Variants in AUTS2 observed in about 807,000 individuals in gnomAD.
AUTS2 encodes the protein autism susceptibility gene 2 protein.
In AUTS2, 17 loss-of-function variants were observed where a neutral mutation model predicts 112.4. The observed-to-expected ratio is 0.15, with a 90% CI of 0.10 to 0.23. The LOEUF is 0.23. AUTS2 is among the 10% of genes least tolerant of loss of function. The pLI, the probability that AUTS2 is intolerant of heterozygous loss-of-function variation, is 1.00. For synonymous variants in AUTS2, 751 were observed against 702.7 expected, an observed-to-expected ratio of 1.07 and a Z score of -1.09; for missense variants, 1,510 against 1,701.6, an observed-to-expected ratio of 0.89 and a Z score of 1.98.
intron 5 of AUTS2, among the ~76,000 whole-genome samples, chr7:70,668,352 A>G (rs1402085142): frequency 5.3e-5 from 8 of 152,222 alleles, no homozygotes; most frequent in Non-Finnish European, 7.3e-5. Context: ...TTGAGTGGCA[A>G]CGTTGCACAG....
intron 4 of AUTS2, chr7:70,317,098 C>T (rs776022155): frequency 3.9e-5 from 6 of 152,150 alleles, no homozygotes; most frequent in Non-Finnish European, 7.3e-5. Context: ...TGAAAACTCA[C>T]CAGGTCACAC....
intron 5 of AUTS2, among the ~76,000 whole-genome samples, chr7:70,538,402 G>T (rs1451479610): frequency 6.6e-6 from 1 of 151,938 alleles, no homozygotes; most frequent in Non-Finnish European, 1.5e-5. Flanking sequence ...GTGGCAGGCG[G>T]CTGTCTGCCA....
At chr7:69,792,238 T>G (rs527700922) in intron 1 of AUTS2, among the ~76,000 whole-genome samples, 3 of 151,346 alleles carry the variant, frequency 2.0e-5, no homozygotes, top group South Asian at 2.1e-4. Flanking sequence ...TGTTGTTTTT[T>G]TTTTGTTTTG....
At chr7:69,648,957 G>C (rs1026060334) in intron 1 of AUTS2, among the ~76,000 whole-genome samples, 2 of 152,102 alleles carry the variant, frequency 1.3e-5, no homozygotes, top group Non-Finnish European at 2.9e-5. Flanking sequence ...TATTTAAGTT[G>C]GATGGCTGGG....
chr7:70,323,655 C>G (rs1790356919), intron 4 of AUTS2, among the ~76,000 whole-genome samples: 1 of 152,206 alleles, frequency 6.6e-6, no homozygotes, highest in South Asian at 2.1e-4. Flanking sequence ...GATCTCGCAA[C>G]TCACATATCT....
intron 1 of AUTS2, among the ~76,000 whole-genome samples, chr7:69,636,804 C>T (rs1050595184): frequency 2.6e-5 from 4 of 151,758 alleles, no homozygotes; most frequent in Non-Finnish European, 2.9e-5. Context: ...CTCGTTCTGT[C>T]GCCCAGGCTG....
At chr7:70,163,766 G>C (rs1048333074) in intron 4 of AUTS2, among the ~76,000 whole-genome samples, 4 of 152,190 alleles carry the variant, frequency 2.6e-5, no homozygotes, top group Non-Finnish European at 5.9e-5. Flanking sequence ...ATGTGGGGAA[G>C]AAAACTGATT....
chr7:70,105,685 T>A (rs1465583178), intron 2 of AUTS2, among the ~76,000 whole-genome samples: 1 of 152,172 alleles, frequency 6.6e-6, no homozygotes, highest in Non-Finnish European at 1.5e-5. Context: ...AATAAACTCT[T>A]CATTTACTGG....
chr7:69,862,949 C>T (rs1241503749), intron 1 of AUTS2, among the ~76,000 whole-genome samples: 1 of 152,150 alleles, frequency 6.6e-6, no homozygotes, highest in Non-Finnish European at 1.5e-5. Context: ...AAAAATGCCT[C>T]CTGAGCCAGG....
At chr7:70,304,596 G>A (rs747197403) in intron 4 of AUTS2, among the ~76,000 whole-genome samples, 9 of 152,096 alleles carry the variant, frequency 5.9e-5, no homozygotes, top group Admixed American at 1.3e-4. Flanking sequence ...TACATCTTGC[G>A]GAGAAACACA....
At chr7:70,103,909 CAAAA>C (rs879409153) in intron 2 of AUTS2, among the ~76,000 whole-genome samples, 2 of 116,492 alleles carry the variant, frequency 1.7e-5, no homozygotes, top group Admixed American at 1.8e-4. Context: ...GACTCCATCT[CAAAA>C]AAAAAAAATA....
intron 6 of AUTS2, among the ~76,000 whole-genome samples, chr7:70,714,599 A>G (rs975523126): frequency 4.6e-5 from 7 of 152,238 alleles, no homozygotes; most frequent in African/African-American, 1.7e-4. Flanking sequence ...CATGTCTTAA[A>G]TCTAGAGTGC....
intron 1 of AUTS2, among the ~76,000 whole-genome samples, chr7:69,828,537 A>G (rs1385199310): frequency 1.3e-5 from 2 of 152,202 alleles, no homozygotes; most frequent in Admixed American, 1.3e-4. Flanking sequence ...AAGAAAAATC[A>G]CGTTTTAACT....
intron 1 of AUTS2, among the ~76,000 whole-genome samples, chr7:69,756,478 A>T (rs1045841529): frequency 6.6e-6 from 1 of 152,214 alleles, no homozygotes; most frequent in Non-Finnish European, 1.5e-5. Context: ...AGAGCTGTGG[A>T]AATACTCAGG....
chr7:70,559,357 C>T (rs533114174), intron 5 of AUTS2, among the ~76,000 whole-genome samples: 141 of 148,586 alleles, frequency 9.5e-4, no homozygotes, highest in African/African-American at 3.2e-3. Context: ...TTTTCTGAGG[C>T]GGAGTCTTGC....
At chr7:70,513,141 T>C (rs1432954067) in intron 5 of AUTS2, among the ~76,000 whole-genome samples, 2 of 152,264 alleles carry the variant, frequency 1.3e-5, no homozygotes, top group Non-Finnish European at 2.9e-5. Flanking sequence ...TATTATCACA[T>C]GTTATGTGGG....
At chr7:69,924,930 T>G (rs1239704506) in intron 2 of AUTS2, among the ~76,000 whole-genome samples, 1 of 152,270 alleles carries the variant, frequency 6.6e-6, no homozygotes, top group Non-Finnish European at 1.5e-5. Context: ...GTGGAAAGGT[T>G]TTAAATGAAA....
chr7:69,629,658 A>G (rs1164552651), intron 1 of AUTS2, among the ~76,000 whole-genome samples: 1 of 152,138 alleles, frequency 6.6e-6, no homozygotes, highest in Non-Finnish European at 1.5e-5. Flanking sequence ...GATCCAGTAA[A>G]GAGTTTGGGG....
chr7:70,132,045 G>A (rs976040885), intron 3 of AUTS2, among the ~76,000 whole-genome samples: 16 of 151,674 alleles, frequency 1.1e-4, no homozygotes, highest in African/African-American at 3.6e-4. Context: ...AAGGGTTTAA[G>A]AGGGGAGGAA....
Sources: allele counts gnomAD v4.1 joint callset (sites outside exome capture counted in the v4.1 genomes callset), GRCh38; gene constraint gnomAD v4.1.1; transcripts MANE v1.5; gene names NCBI Gene and HGNC (gene_info 2026-07-23, HGNC 2026-07-21).